The following ADAM19 variants were observed in gnomAD, a reference collection of about 807,000 sequenced individuals.
ADAM19 encodes disintegrin and metalloproteinase domain-containing protein 19.
In ADAM19, 65 loss-of-function variants were observed where a neutral mutation model predicts 114.7. The observed-to-expected ratio is 0.57, with a 90% CI of 0.46 to 0.70. The LOEUF (loss-of-function observed/expected upper bound fraction) is 0.70. ADAM19 is among the 30% of genes least tolerant of loss of function. The pLI is 0.00. For synonymous variants in ADAM19, 466 were observed against 460.5 expected, an observed-to-expected ratio of 1.01 and a Z score of -0.15; for missense variants, 1,063 against 1,204.7, an observed-to-expected ratio of 0.88 and a Z score of 1.74.
At chr5:157,570,153 C>T (rs752953860) in intron 2 of ADAM19, among the ~76,000 whole-genome samples, 2 of 152,118 alleles carry the variant, frequency 1.3e-5, no homozygotes, top group Non-Finnish European at 2.9e-5. Flanking sequence ...TCAGCTACTC[C>T]GGAAGCTAAG....
intron 4 of ADAM19, among the ~76,000 whole-genome samples, chr5:157,531,263 T>C (rs1242065956): frequency 1.3e-5 from 2 of 152,224 alleles, no homozygotes; most frequent in Non-Finnish European, 2.9e-5. Flanking sequence ...ACCAATGTTA[T>C]CTTTGCAACC....
chr5:157,560,252 G>T (rs1019257049), intron 3 of ADAM19, among the ~76,000 whole-genome samples: 1 of 115,594 alleles, frequency 8.7e-6, no homozygotes, highest in Admixed American at 1.1e-4. Flanking sequence ...GCGACAGAGC[G>T]AGACTCCGTC....
chr5:157,494,699 T>A lies in ADAM19; in HGVS notation c.1691A>T (p.Lys564Met), dbSNP rs1755298429. The A allele has an allele frequency of 6.2e-7, 1 of 1,613,226 alleles. No individual in the cohort carries two copies. Among genetic ancestry groups the A allele is most frequent in the Admixed American group, 1.7e-5 (1 of 59,988 alleles). ...CGKDMNGEHR[K>M]CNMRDAKCGK... Reference sequence around the variant, plus strand: ...CTTTGGTCATCACCTCATGTTGCACTTCCTGTGTTCACCATTCATGTCCTT... The same window carrying A: ...CTTTGGTCATCACCTCATGTTGCACATCCTGTGTTCACCATTCATGTCCTT... The change falls in exon 15 of 23, where the codon AAG becomes ATG. Residue 564 changes from lysine to methionine, a missense_variant. Lys to Met is a moderately conservative substitution (Grantham distance 95). Transcript: ENST00000257527.
chr5:157,532,247 C>T (rs574142399), intron 4 of ADAM19, among the ~76,000 whole-genome samples: 2 of 152,342 alleles, frequency 1.3e-5, no homozygotes, highest in Admixed American at 1.3e-4. Context: ...ACACCATAGC[C>T]AGCAAACGGA....
In ADAM19 at chr5:157,479,862, C is replaced by T; in HGVS notation, c.*1087G>A. 1 of 985,636 alleles carries T rather than the reference C, an allele frequency of 1.0e-6. No individual in the cohort carries two copies. The highest frequency in any genetic ancestry group is 1.2e-6 in the Non-Finnish European group (1 of 829,998). 61.1% of individuals were successfully genotyped at this position (985,636 alleles called of 1,614,324 possible). On this transcript the variant is annotated 3_prime_UTR_variant, in exon 23 of 23. Coordinates refer to ENST00000257527, the MANE Select transcript of ADAM19 (RefSeq NM_033274.5). ...CGTGTGTACTTTGTAAATAGCTGGG[C>T]TCCCTAAGGGGAAACCTCACCTAGA...
chr5:157,552,313 C>T (rs545113374), intron 3 of ADAM19, among the ~76,000 whole-genome samples: 2 of 152,200 alleles, frequency 1.3e-5, no homozygotes, highest in Admixed American at 1.3e-4. Flanking sequence ...TGTCATGCTA[C>T]CATATGATCC....
At chr5:157,499,219 C>T (rs146566185) in intron 13 of ADAM19, among the ~76,000 whole-genome samples, 2 of 152,006 alleles carry the variant, frequency 1.3e-5, no homozygotes, top group East Asian at 3.8e-4. Flanking sequence ...CAGCACAGTG[C>T]CTGGCATCTA....
intron 6 of ADAM19, 45 bp downstream of exon 6, chr5:157,519,794 G>A (rs1343084279): frequency 2.6e-6 from 4 of 1,550,942 alleles, no homozygotes; most frequent in South Asian, 1.2e-5. Flanking sequence ...GAGGGGACAA[G>A]CCTGTCCCCA....
intron 7 of ADAM19, among the ~76,000 whole-genome samples, chr5:157,517,169 C>A (rs568616993): frequency 6.6e-6 from 1 of 152,188 alleles, no homozygotes; most frequent in Non-Finnish European, 1.5e-5. Flanking sequence ...ACCTTCTGGC[C>A]TGCAGCCTAG....
At chr5:157,553,590 C>T (rs1757264083) in intron 3 of ADAM19, among the ~76,000 whole-genome samples, 1 of 152,072 alleles carries the variant, frequency 6.6e-6, no homozygotes, top group African/African-American at 2.4e-5. Context: ...AATTTAAAAG[C>T]GTTTTAATTG....
chr5:157,561,794 G>A (rs189112885), intron 3 of ADAM19, among the ~76,000 whole-genome samples: 10 of 152,070 alleles, frequency 6.6e-5, no homozygotes, highest in Admixed American at 3.9e-4. Context: ...ATCACCTGAC[G>A]GACGGTGCAC....
chr5:157,536,986 T>C lies in ADAM19; in HGVS notation c.330+927A>G, dbSNP rs150790907. ...ATCTCACCAGCCCAGACTTTGAGAA[T>C]GGTCATTCGAATCCAGGGTTTCTCA... On this transcript the variant is annotated intron_variant, in intron 4 of 22. Transcript: ENST00000257527. Among the ~76,000 whole-genome samples the C allele has an allele frequency of 2.4e-3, 359 of 152,364 alleles. 4 individuals are homozygous for C. The highest frequency in any genetic ancestry group is 0.01 in the Middle Eastern group (3 of 294).
At position 157,568,358 on chromosome 5, in the gene ADAM19, AAAGGATGT is replaced by A. The variant is rs68107749; in HGVS notation, c.180+2529_180+2536del. 3.1e-3 allele frequency: 473 copies of A among 152,344 alleles called. 4 individuals carry two copies. Among genetic ancestry groups the A allele is most frequent in the African/African-American group, 0.011 (439 of 41,580 alleles). 9.4% of individuals were successfully genotyped at this position (152,344 alleles called of 1,614,324 possible). ...AGGTGCTCAGGCACTGATATTTAAA[AAAGGATGT>A]TCCCTTTTTCTATGGGGCATTTCAA... On this transcript the variant is annotated intron_variant, in intron 2 of 22. Coordinates refer to ENST00000257527, the MANE Select transcript of ADAM19 (RefSeq NM_033274.5).
intron 3 of ADAM19, among the ~76,000 whole-genome samples, chr5:157,547,577 A>G (rs1054988868): frequency 1.3e-5 from 2 of 152,244 alleles, no homozygotes; most frequent in Non-Finnish European, 2.9e-5. Context: ...TGGACTTGCC[A>G]GCCAGCAGAA....
intron 11 of ADAM19, among the ~76,000 whole-genome samples, chr5:157,505,291 A>C (rs1407497385): frequency 6.6e-6 from 1 of 152,054 alleles, no homozygotes; most frequent in East Asian, 1.9e-4. Context: ...TGAAGCCTGG[A>C]ATTGAAACAG....
Position 157,518,632 on chromosome 5 carries a change from C to T in ADAM19, c.666+191G>A, listed in dbSNP as rs111466403. Among the ~76,000 whole-genome samples, 558 of 152,376 alleles carry T rather than the reference C, an allele frequency of 3.7e-3. 5 individuals are homozygous for T. The highest frequency in any genetic ancestry group is 0.013 in the African/African-American group (523 of 41,598). On this transcript the variant is annotated intron_variant, in intron 7 of 22. Transcript: ENST00000257527. ...CTCCTGACCTCAGGTGATCCACCCGCCTTGCCCACCCAAAGTGCTGGGATT... is the reference window on the plus strand; with the variant it reads ...CTCCTGACCTCAGGTGATCCACCCGTCTTGCCCACCCAAAGTGCTGGGATT...
intron 11 of ADAM19, 108 bp downstream of exon 11, chr5:157,505,561 C>T: frequency 7.7e-7 from 1 of 1,301,942 alleles, no homozygotes; most frequent in Non-Finnish European, 1.0e-6. Flanking sequence ...TTGGCCCCAT[C>T]AGAAGTTTAA....
chr5:157,564,672 A>G (rs556714603), intron 2 of ADAM19, among the ~76,000 whole-genome samples: 1 of 152,342 alleles, frequency 6.6e-6, no homozygotes, highest in Non-Finnish European at 1.5e-5. Context: ...CCAGGCTGCA[A>G]TGTGGTGTAA....
At position 157,575,615 on chromosome 5, in the gene ADAM19, G is replaced by T; in HGVS notation, c.82C>A (p.Pro28Thr). The T allele has an allele frequency of 6.9e-7, 1 of 1,450,044 alleles. No individual in the cohort carries two copies. The highest frequency in any genetic ancestry group is 1.3e-5 in the South Asian group (1 of 74,482). 89.8% of individuals were successfully genotyped at this position (1,450,044 alleles called of 1,614,324 possible). Residue 28 changes from proline to threonine, a missense_variant, in exon 1 of 23, where the codon CCT (proline) becomes ACT (threonine). Around this residue, in one of 3 missense-constraint regions of ADAM19, gnomAD observed 615 missense variants for 706.3 expected, o/e 0.87. Coordinates refer to ENST00000257527, the MANE Select transcript of ADAM19 (RefSeq NM_033274.5). ...CCTGGCCACTTACTTGTCCATCCAG[G>T]CTCCCGCGCCGCCCGCGGCCGGAGG... ...QPLRPRAARE[P>T]GWTRGSEEGS... is the part of the protein sequence containing the mutation.
Sources: allele counts gnomAD v4.1 joint callset (sites outside exome capture counted in the v4.1 genomes callset), GRCh38; gene constraint gnomAD v4.1.1; regional missense constraint gnomAD v4.1.1; transcripts MANE v1.5; gene names NCBI Gene and HGNC (gene_info 2026-07-23, HGNC 2026-07-21).